The following SCN3B variants were observed in gnomAD, a reference collection of about 807,000 sequenced individuals.
The protein encoded by SCN3B is sodium channel regulatory subunit beta-3.
In SCN3B, 11 loss-of-function variants were observed where a neutral mutation model predicts 25.4. The observed-to-expected ratio is 0.43, with a 90% CI of 0.27 to 0.72. SCN3B has a LOEUF of 0.72. Among genes scored for constraint, SCN3B ranks in the 30% least tolerant of loss-of-function variants. The pLI is 0.18. For synonymous variants in SCN3B, 109 were observed against 110.7 expected (o/e 0.99, Z 0.09); for missense variants, 218 against 278.3 (o/e 0.78, Z 1.54).
In SCN3B at chr11:123,630,343, A is replaced by G. The variant is rs202081953; in HGVS notation, c.*3456T>C. On this transcript the variant is annotated 3_prime_UTR_variant, in exon 7 of 7. Transcript: ENST00000299333. ...TTGAGCAATCACATTCATGGCTGTG[A>G]AGTAGTAAGAATGGGAAAATCAGAT... The G allele has an allele frequency of 1.3e-5, 2 of 152,752 alleles. No homozygotes were observed. The highest frequency in any genetic ancestry group is 3.9e-4 in the East Asian group (2 of 5,186). 9.5% of individuals were successfully genotyped at this position (152,752 alleles called of 1,614,324 possible).
chr11:123,638,731 G>A, intron 4 of SCN3B: 1 of 294,958 alleles, frequency 3.4e-6, no homozygotes, highest in Non-Finnish European at 6.6e-6. Context: ...ATGTATTTCA[G>A]AACATCTTGT....
At chr11:123,638,451 A>G (rs1955753726) in intron 4 of SCN3B, 127 bp from the exon 5 acceptor site, 1 of 1,312,912 alleles carries the variant, frequency 7.6e-7, no homozygotes, top group Admixed American at 1.9e-5. Context: ...TGTCAAAGGT[A>G]TTCCAAATCC....
intron 1 of SCN3B, 104 bp from the exon 2 acceptor site, chr11:123,653,930 G>C: frequency 9.2e-7 from 1 of 1,086,456 alleles, no homozygotes; most frequent in Non-Finnish European, 1.4e-6. Context: ...CTGACCGAAG[G>C]AAGGGCCGAG....
Position 123,642,871 on chromosome 11 carries a change from G to C in SCN3B, c.220-200C>G, listed in dbSNP as rs1189007514. On this transcript the variant is annotated intron_variant, in intron 3 of 6. Coordinates refer to ENST00000299333, the MANE Select transcript of SCN3B (RefSeq NM_001040151.2). The surrounding 1 kb of genome is among the most constrained non-coding windows in gnomAD (Gnocchi z 4.3). ...GGGTAGGGAAGGGAGCAAAGACAGGGAAGGACAGGCAGAGGCAGCAGGCAT... is the reference window on the plus strand; with the variant it reads ...GGGTAGGGAAGGGAGCAAAGACAGGCAAGGACAGGCAGAGGCAGCAGGCAT... 6.6e-6 allele frequency among the ~76,000 whole-genome samples: 1 copy of C among 152,100 alleles called. No homozygotes were observed. Among genetic ancestry groups the C allele is most frequent in the Non-Finnish European group, 1.5e-5 (1 of 68,004 alleles).
chr11:123,647,254 T>C (rs1293086737), intron 2 of SCN3B, among the ~76,000 whole-genome samples: 2 of 152,208 alleles, frequency 1.3e-5, no homozygotes, highest in South Asian at 2.1e-4. Context: ...GTTGAGAGGA[T>C]TGCTTGATGT....
chr11:123,650,720 G>C (rs555612473), intron 2 of SCN3B, among the ~76,000 whole-genome samples: 1 of 152,296 alleles, frequency 6.6e-6, no homozygotes, highest in African/African-American at 2.4e-5. Flanking sequence ...AGAGGTGCTA[G>C]AAGGAGCACT....
chr11:123,637,787 C>T (rs758464412), intron 5 of SCN3B, among the ~76,000 whole-genome samples: 1 of 152,138 alleles, frequency 6.6e-6, no homozygotes, highest in Non-Finnish European at 1.5e-5. Flanking sequence ...GCCTCAGCCT[C>T]CCAAAGTGCT....
intron 1 of SCN3B, 62 bp from the exon 2 acceptor site, chr11:123,653,888 T>A: frequency 1.3e-6 from 2 of 1,497,590 alleles, no homozygotes; most frequent in Non-Finnish European, 1.9e-6. Flanking sequence ...GAGGAAACCC[T>A]TTGGGACGAA....
chr11:123,654,012 G>A, intron 1 of SCN3B, 186 bp from the exon 2 acceptor site: 1 of 606,710 alleles, frequency 1.6e-6, no homozygotes, highest in Non-Finnish European at 2.9e-6. Context: ...CGACCCCACT[G>A]GACCTCCCCA....
chr11:123,653,850 CA>C, intron 1 of SCN3B, 24 bp from the exon 2 acceptor site: 1 of 1,597,886 alleles, frequency 6.3e-7, no homozygotes, highest in Non-Finnish European at 8.6e-7. Flanking sequence ...TTCCCTCGGT[CA>C]AGGACTGCGC....
intron 2 of SCN3B, among the ~76,000 whole-genome samples, chr11:123,649,141 A>G (rs1955888867): frequency 6.6e-6 from 1 of 152,242 alleles, no homozygotes; most frequent in Non-Finnish European, 1.5e-5. Context: ...GAGCTGGTGG[A>G]GTTTGAAAGA....
chr11:123,633,815 C>T, intron 6 of SCN3B, 39 bp from the exon 7 acceptor site: 2 of 362,096 alleles, frequency 5.5e-6, no homozygotes, highest in Non-Finnish European at 1.1e-5. Context: ...ATTTCCCACC[C>T]AGTCCAGCCC....
chr11:123,643,975 C>T (rs1207115375), intron 3 of SCN3B, among the ~76,000 whole-genome samples: 1 of 152,196 alleles, frequency 6.6e-6, no homozygotes, highest in Admixed American at 6.5e-5. Context: ...GAAATGGGTT[C>T]GGCTTTAGGA....
Position 123,633,061 on chromosome 11 carries a change from G to A in SCN3B, c.*738C>T, listed in dbSNP as rs1302829523. ...ACATACATTATCGCAATAGGATCAG[G>A]AACGTGTCCAGAAACATGTTGCATG... On this transcript the variant is annotated 3_prime_UTR_variant, in exon 7 of 7. Transcript: ENST00000299333. 1.3e-5 allele frequency: 2 copies of A among 152,226 alleles called. No homozygotes were observed. The highest frequency in any genetic ancestry group is 2.9e-5 in the Non-Finnish European group (2 of 68,044). 9.4% of individuals were successfully genotyped at this position (152,226 alleles called of 1,614,324 possible).
chr11:123,654,054 C>G (rs72552158), intron 1 of SCN3B, 172 bp downstream of exon 1: 609 of 570,058 alleles, frequency 1.1e-3, no homozygotes, highest in Non-Finnish European at 1.6e-3. Flanking sequence ...GCTCCGCGCC[C>G]GCTCTCGCCG....
At chr11:123,636,795 G>A (rs987574847) in intron 5 of SCN3B, among the ~76,000 whole-genome samples, 3 of 151,710 alleles carry the variant, frequency 2.0e-5, no homozygotes, top group African/African-American at 7.3e-5. Flanking sequence ...CCAGGTTCAC[G>A]CCATTCTCCT....
At position 123,642,068 on chromosome 11, in the gene SCN3B, C is replaced by T. The variant is rs140362452; in HGVS notation, c.445+378G>A. ...TACAGGTAGAAGGAGAGATGACTTC[C>T]GGGTAACCTCATGAGATTTCTCTGA... On this transcript the variant is annotated intron_variant, in intron 4 of 6. Transcript: ENST00000299333. The surrounding 1 kb of genome is among the most constrained non-coding windows in gnomAD (Gnocchi z 4.3). 6.5e-4 allele frequency among the ~76,000 whole-genome samples: 99 copies of T among 152,274 alleles called. No individual in the cohort carries two copies. The highest frequency in any genetic ancestry group is 1.2e-3 in the Admixed American group (19 of 15,298).
intron 4 of SCN3B, chr11:123,639,337 C>T (rs1955761833): frequency 6.6e-6 from 1 of 152,246 alleles, no homozygotes. Context: ...TCCCCAACTT[C>T]TCATGCGGAG....
intron 2 of SCN3B, among the ~76,000 whole-genome samples, chr11:123,648,516 A>G (rs1226069232): frequency 6.6e-6 from 1 of 152,250 alleles, no homozygotes; most frequent in African/African-American, 2.4e-5. Flanking sequence ...ACAAAAGAAA[A>G]GAATCCCTGT....
Sources: gnomAD v4.1 joint callset for allele counts (sites outside exome capture counted in the v4.1 genomes callset) on GRCh38, gnomAD v4.1.1 for gene constraint, Gnocchi (gnomAD v3.1) non-coding constraint, MANE v1.5 for transcripts, NCBI Gene and HGNC (gene_info 2026-07-23, HGNC 2026-07-21) for gene names.